The following DPYD variants were observed in gnomAD, a reference collection of about 807,000 sequenced individuals.
DPYD encodes the protein dihydropyrimidine dehydrogenase [NADP(+)].
A neutral mutation model predicts 116.2 loss-of-function variants in DPYD; 109 were observed. That is an observed-to-expected ratio of 0.94 (90% confidence interval 0.80 to 1.10). The LOEUF is 1.10. Among genes scored for constraint, DPYD ranks in the 50% least tolerant of loss-of-function variants. The probability of loss-of-function intolerance (pLI) is 0.00; values close to 1 mark genes in which losing one functional copy is unlikely to be tolerated. For synonymous variants in DPYD, 440 were observed against 432.0 expected (o/e 1.02, Z -0.23); for missense variants, 1,302 against 1,254.5 (o/e 1.04, Z -0.57).
At chr1:97,531,466 T>G (rs978559007) in intron 12 of DPYD, among the ~76,000 whole-genome samples, 4 of 152,172 alleles carry the variant, frequency 2.6e-5, no homozygotes, top group African/African-American at 9.6e-5. Flanking sequence ...CTGTAGGATA[T>G]AAGCTCTCTA....
chr1:97,594,967 G>T, intron 9 of DPYD, 92 bp downstream of exon 9: 1 of 1,039,998 alleles, frequency 9.6e-7, no homozygotes, highest in Non-Finnish European at 1.4e-6. Context: ...TGTGAGAGCT[G>T]AACAATGTGC....
chr1:97,792,868 G>A (rs184188753), intron 3 of DPYD, among the ~76,000 whole-genome samples: 46 of 152,128 alleles, frequency 3.0e-4, no homozygotes, highest in African/African-American at 1.1e-3. Context: ...TCAAAAACAG[G>A]GTAAGTTGGA....
Position 97,181,258 on chromosome 1 carries a change from A to G in DPYD, c.2622+11811T>C, listed in dbSNP as rs75009108. ...TGGGATGAGAGAAACCAAGTTGGGG[A>G]GGCTTACAGGACTTCACAAACTACT... On this transcript the variant is annotated intron_variant, in intron 20 of 22. Transcript: ENST00000370192. 9.8e-3 allele frequency among the ~76,000 whole-genome samples: 1,498 copies of G among 152,234 alleles called. 22 individuals carry two copies. Among genetic ancestry groups the G allele is most frequent in the African/African-American group, 0.034 (1,402 of 41,542 alleles).
chr1:97,750,127 G>T (rs936883495), intron 3 of DPYD, among the ~76,000 whole-genome samples: 1 of 151,916 alleles, frequency 6.6e-6, no homozygotes, highest in African/African-American at 2.4e-5. Context: ...ATTTTTCATA[G>T]ATGCCCTAGA....
At chr1:97,514,004 T>A (rs1428720389) in intron 13 of DPYD, among the ~76,000 whole-genome samples, 1 of 151,894 alleles carries the variant, frequency 6.6e-6, no homozygotes, top group Non-Finnish European at 1.5e-5. Flanking sequence ...TATTTTGTTG[T>A]ACCCACCATC....
At position 97,921,018 on chromosome 1, in the gene DPYD, T is replaced by G. The variant is rs1164202717; in HGVS notation, c.-96A>C. On this transcript the variant is annotated 5_prime_UTR_variant, in exon 1 of 23. Coordinates refer to ENST00000370192, the MANE Select transcript of DPYD (RefSeq NM_000110.4). ...CAAGTGACAGCAGCCGGAGCGCGAG[T>G]CGAAAACAGGCAGACTAGGGCCGGC... 6.7e-7 allele frequency: 1 copy of G among 1,487,716 alleles called. No homozygotes were observed. Among genetic ancestry groups the G allele is most frequent in the African/African-American group, 1.4e-5 (1 of 70,824 alleles). The allele number at this position is 1,487,716 out of a possible 1,614,324, so 92.2% of individuals were successfully genotyped here.
At chr1:97,195,584 ATATATATATATGTG>A (rs1386915059) in intron 19 of DPYD, among the ~76,000 whole-genome samples, 1 of 49,860 alleles carries the variant, frequency 2.0e-5, no homozygotes, top group Non-Finnish European at 3.6e-5. Flanking sequence ...ATATATATAT[ATATATATATATGTG>A]TGTGTGTGTA....
chr1:97,260,123 T>C (rs11165823), intron 18 of DPYD, among the ~76,000 whole-genome samples: 16,815 of 152,164 alleles, frequency 0.11, 966 homozygotes, highest in Non-Finnish European at 0.13. Context: ...CAACATGTAA[T>C]AAATGTGCTT....
chr1:97,810,432 C>T (rs1668299966), intron 3 of DPYD, among the ~76,000 whole-genome samples: 1 of 151,982 alleles, frequency 6.6e-6, no homozygotes, highest in Admixed American at 6.6e-5. Context: ...TTTAATTACA[C>T]ATTAAAGGGA....
chr1:97,793,093 T>C (rs996603922), intron 3 of DPYD, among the ~76,000 whole-genome samples: 4 of 152,198 alleles, frequency 2.6e-5, no homozygotes, highest in African/African-American at 9.7e-5. Flanking sequence ...GGAAACTGAC[T>C]TGGTGTAGGT....
intron 3 of DPYD, among the ~76,000 whole-genome samples, chr1:97,749,304 A>C (rs1185803146): frequency 6.6e-6 from 1 of 152,216 alleles, no homozygotes; most frequent in Non-Finnish European, 1.5e-5. Flanking sequence ...GTAATGTTTT[A>C]CAATTATTTA....
intron 1 of DPYD, among the ~76,000 whole-genome samples, chr1:97,900,749 CTGT>C (rs763059829): frequency 4.6e-5 from 7 of 151,768 alleles, no homozygotes; most frequent in Non-Finnish European, 8.8e-5. Context: ...CCTTTGCAAA[CTGT>C]TTTTTGAAAA....
At position 97,515,779 on chromosome 1, in the gene DPYD, C is replaced by A. The variant is rs1467976981; in HGVS notation, c.1687G>T (p.Ala563Ser). The A allele has an allele frequency of 1.9e-6, 3 of 1,612,762 alleles. No individual in the cohort carries two copies. In the Admixed American group the frequency reaches 5.0e-5, roughly 27 times the overall value. Residue 563 changes from alanine to serine, a missense_variant, in exon 13 of 23, where the codon GCT becomes TCT. Coordinates refer to ENST00000370192, the MANE Select transcript of DPYD (RefSeq NM_000110.4). ...PATSTSMIRR[A>S]FEAGWGFALT... ...GCAAAACCCCATCCAGCTTCAAAAG[C>A]TCTTCGAATCATTGATGTGCTGGTG...
chr1:97,116,337 A>G (rs1351507263), intron 20 of DPYD, among the ~76,000 whole-genome samples: 1 of 152,116 alleles, frequency 6.6e-6, no homozygotes, highest in Non-Finnish European at 1.5e-5. Context: ...TCTTACCAAG[A>G]CACAAGCTTA....
At chr1:97,410,094 G>GA (rs147971044) in intron 14 of DPYD, among the ~76,000 whole-genome samples, 58 of 139,104 alleles carry the variant, frequency 4.2e-4, no homozygotes, top group South Asian at 1.1e-3. Context: ...AGAAGAAGAA[G>GA]AAAAAAAAAA....
Position 97,193,134 on chromosome 1 carries a change from T to C in DPYD, c.2557A>G (p.Ser853Gly). Residue 853 changes from serine to glycine, a missense_variant, in exon 20 of 23, where the codon AGT becomes GGT. Ser to Gly is a moderately conservative substitution (Grantham distance 56, BLOSUM62 0). Transcript: ENST00000370192. ...IEELQDWDGQSPATVSHQKGK... is the reference protein window; with the variant it reads ...IEELQDWDGQGPATVSHQKGK... Reference sequence around the variant, plus strand: ...TTCTGGTGACTCACAGTAGCTGGACTCTGTCCATCCCAGTCTTGTAGTTCT... The same window carrying C: ...TTCTGGTGACTCACAGTAGCTGGACCCTGTCCATCCCAGTCTTGTAGTTCT... 6.2e-7 allele frequency: 1 copy of C among 1,614,072 alleles called. No homozygotes were observed.
rs182313346 is a variant in DPYD at position 97,242,509 on chromosome 1, C to T, written c.2300-7515G>A. On this transcript the variant is annotated intron_variant, in intron 18 of 22. Coordinates refer to ENST00000370192, the MANE Select transcript of DPYD (RefSeq NM_000110.4). ...AATGCATATAATGTTGAATTTCATA[C>T]TGTTCACAGGTATCATCTCTGGGAA... Among the ~76,000 whole-genome samples, 24 of 151,574 alleles carry T rather than the reference C, an allele frequency of 1.6e-4. No individual in the cohort carries two copies. The East Asian group carries it at 4.3e-3, about 27-fold the overall frequency.
intron 3 of DPYD, among the ~76,000 whole-genome samples, chr1:97,747,242 G>A (rs1480454553): frequency 2.0e-5 from 3 of 152,094 alleles, no homozygotes; most frequent in South Asian, 2.1e-4. Flanking sequence ...AAAAAAATAC[G>A]TAAAAGCATT....
chr1:97,107,054 C>T (rs1397650628), intron 20 of DPYD, among the ~76,000 whole-genome samples: 3 of 152,094 alleles, frequency 2.0e-5, no homozygotes, highest in Non-Finnish European at 4.4e-5. Flanking sequence ...GACTACCTGT[C>T]CCCACACCAA....
Sources: gnomAD v4.1 joint callset for allele counts (sites outside exome capture counted in the v4.1 genomes callset) on GRCh38, gnomAD v4.1.1 for gene constraint, MANE v1.5 for transcripts, NCBI Gene and HGNC (gene_info 2026-07-23, HGNC 2026-07-21) for gene names.